Variants in CCDC25 observed in about 807,000 individuals in gnomAD.
The protein encoded by CCDC25 is coiled-coil domain containing 25.
A neutral mutation model predicts 35.3 loss-of-function variants in CCDC25; 16 were observed. The ratio of observed to expected loss-of-function variants is 0.45; its 90% CI spans 0.31 to 0.69. The LOEUF (loss-of-function observed/expected upper bound fraction) is 0.69, where lower values mean the gene tolerates loss of function less well. CCDC25 is among the 30% of genes least tolerant of loss of function. The pLI is 0.06. For missense variants in CCDC25, 179 were observed against 250.7 expected (o/e 0.71, Z 1.93); for synonymous variants, 79 against 80.3 (o/e 0.98, Z 0.09).
intron 1 of CCDC25, among the ~76,000 whole-genome samples, chr8:27,765,639 G>A (rs897510795): frequency 9.7e-6 from 1 of 103,232 alleles, no homozygotes. Flanking sequence ...AAAAAAAAAA[G>A]AAAAGAAAAG....
rs1416846735 is a variant in CCDC25 at position 27,772,467 on chromosome 8, G to C, written c.28+46C>G. 3.9e-6 allele frequency: 6 copies of C among 1,543,414 alleles called. 1 individual carries two copies. In the South Asian group the frequency reaches 7.2e-5, roughly 18 times the overall value. ...CGGCGGACTGCGGGTCCCGGCTTCG[G>C]AGCCCGCTGTCCAGCAGGGTCCAGG... On this transcript the variant is annotated intron_variant, in intron 1 of 8. Coordinates refer to ENST00000356537, the MANE Select transcript of CCDC25 (RefSeq NM_018246.3).
chr8:27,770,855 C>G (rs1032204789), intron 1 of CCDC25, among the ~76,000 whole-genome samples: 6 of 151,910 alleles, frequency 3.9e-5, no homozygotes, highest in Admixed American at 3.9e-4. Flanking sequence ...ATTTATTCAA[C>G]AAGCATTTAT....
At chr8:27,764,083 A>C (rs1053645422) in intron 2 of CCDC25, among the ~76,000 whole-genome samples, 7 of 152,194 alleles carry the variant, frequency 4.6e-5, no homozygotes, top group African/African-American at 1.7e-4. Context: ...ATTCCACTTA[A>C]ATTGATGTTT....
chr8:27,761,361 C>T (rs1458249903), intron 3 of CCDC25, among the ~76,000 whole-genome samples: 1 of 152,082 alleles, frequency 6.6e-6, no homozygotes, highest in East Asian at 1.9e-4. Flanking sequence ...CAGAGCAGAC[C>T]CAGTCAGTTT....
At chr8:27,752,146 A>C (rs1803833235) in intron 5 of CCDC25, among the ~76,000 whole-genome samples, 1 of 152,258 alleles carries the variant, frequency 6.6e-6, no homozygotes, top group Non-Finnish European at 1.5e-5. Context: ...AACAACATTA[A>C]AAATAAAGCC....
chr8:27,764,259 G>T (rs1391903830), intron 2 of CCDC25: 3 of 162,362 alleles, frequency 1.8e-5, no homozygotes, highest in African/African-American at 7.2e-5. Context: ...GGGAAAAAGT[G>T]TTCCATACAT....
At chr8:27,741,954 T>C (rs887050787) in intron 7 of CCDC25, among the ~76,000 whole-genome samples, 4 of 152,176 alleles carry the variant, frequency 2.6e-5, no homozygotes, top group African/African-American at 9.7e-5. Flanking sequence ...TATACTCTTA[T>C]CAGGCCACAG....
At chr8:27,744,094 G>A (rs1348258897) in intron 7 of CCDC25, among the ~76,000 whole-genome samples, 1 of 152,138 alleles carries the variant, frequency 6.6e-6, no homozygotes, top group Non-Finnish European at 1.5e-5. Context: ...AAGCCCAGAA[G>A]ATATAAAAAC....
rs1042661261 is a variant in CCDC25 at position 27,765,236 on chromosome 8, T to C, written c.44A>G (p.Tyr15Cys). 2 of 1,496,348 alleles carry C rather than the reference T, an allele frequency of 1.3e-6. No individual in the cohort carries two copies. The highest frequency in any genetic ancestry group is 1.4e-5 in the African/African-American group (1 of 71,604). 92.7% of individuals were successfully genotyped at this position (1,496,348 alleles called of 1,614,324 possible). Residue 15 changes from tyrosine (Y) to cysteine (C), a missense_variant, in exon 2 of 9, where the codon TAC (tyrosine) becomes TGC (cysteine). Transcript: ENST00000356537. ...TTTATCTTTTCCCATGTAAATAGTG[T>C]AGGCAGATGAATTAACTAAGATAAA... is the stretch of plus-strand genomic sequence containing the variant. Reference protein sequence around the residue: ...FTSSSVNSSAYTIYMGKDKYE... With the variant: ...FTSSSVNSSACTIYMGKDKYE...
At chr8:27,759,779 C>CAAAAAAAAAAAAAAAA (rs77051762) in intron 3 of CCDC25, among the ~76,000 whole-genome samples, 1,529 of 91,026 alleles carry the variant, frequency 0.017, 126 homozygotes, top group East Asian at 0.033. Context: ...GACTCTGTCT[C>CAAAAAAAAAAAAAAAA]AAAAAAAAAA....
Position 27,740,531 on chromosome 8 carries a change from AAC to A in CCDC25, c.552-16_552-15del, listed in dbSNP as rs773289794. On this transcript the variant is annotated splice_polypyrimidine_tract_variant and intron_variant, in intron 7 of 8. Transcript: ENST00000356537. ...GATGAATAGCTCCTAGAAGGAAAAA[AAC>A]ACACACACACATTTAAAATATGGTG... is the stretch of plus-strand genomic sequence containing the variant. 42 of 1,569,184 alleles carry A rather than the reference AAC, an allele frequency of 2.7e-5. No individual in the cohort carries two copies. The highest frequency in any genetic ancestry group is 1.7e-4 in the Middle Eastern group (1 of 5,946).
Position 27,736,029 on chromosome 8 carries a change from A to AT in CCDC25, c.*186dup, listed in dbSNP as rs1214576857. On this transcript the variant is annotated 3_prime_UTR_variant, in exon 9 of 9. Coordinates refer to ENST00000356537, the MANE Select transcript of CCDC25 (RefSeq NM_018246.3). ...GCTGTCAAGTTCAACTATTTTATACATATCTGATCCTTTTCTGTCAGCAAA... is the reference window on the plus strand; with the variant it reads ...GCTGTCAAGTTCAACTATTTTATACATTATCTGATCCTTTTCTGTCAGCAAA... 3.6e-6 allele frequency: 2 copies of AT among 553,924 alleles called. No homozygotes were observed. Among genetic ancestry groups the AT allele is most frequent in the African/African-American group, 3.9e-5 (2 of 51,428 alleles). The allele number at this position is 553,924 out of a possible 1,614,324, so 34.3% of individuals were successfully genotyped here. A position where few individuals can be genotyped will look rare whatever the true frequency, so the allele number is the denominator to read the frequency against.
chr8:27,762,588 G>T (rs144760864), intron 2 of CCDC25, 130 bp from the exon 3 acceptor site: 1 of 677,092 alleles, frequency 1.5e-6, no homozygotes, highest in Non-Finnish European at 2.5e-6. Flanking sequence ...AGAGTAATTC[G>T]GAGGCCTTGA....
chr8:27,758,432 C>T (rs377289172), intron 3 of CCDC25, among the ~76,000 whole-genome samples: 13 of 152,198 alleles, frequency 8.5e-5, no homozygotes, highest in African/African-American at 2.4e-4. Flanking sequence ...TACTCTTAAT[C>T]ATTAGTGATA....
At chr8:27,770,143 C>CA (rs1224599517) in intron 1 of CCDC25, among the ~76,000 whole-genome samples, 1 of 151,608 alleles carries the variant, frequency 6.6e-6, no homozygotes, top group Non-Finnish European at 1.5e-5. Context: ...GACTCCATCT[C>CA]AAAAAAACAA....
At chr8:27,743,174 CTAA>C (rs1585344316) in intron 7 of CCDC25, among the ~76,000 whole-genome samples, 3 of 152,154 alleles carry the variant, frequency 2.0e-5, no homozygotes, top group African/African-American at 7.2e-5. Flanking sequence ...TCACCAAATC[CTAA>C]TGTTTTACCT....
chr8:27,746,713 T>C (rs897021816), intron 7 of CCDC25, among the ~76,000 whole-genome samples: 6 of 152,204 alleles, frequency 3.9e-5, no homozygotes, highest in African/African-American at 7.2e-5. Flanking sequence ...TACTTAAACA[T>C]ATATGTTAGT....
chr8:27,752,598 A>G lies in CCDC25; in HGVS notation c.169-11T>C. The stretch of plus-strand genomic sequence containing the variant: ...TTCTATATTCTCTCCCTGAAACACA[A>G]AAATAAACCAATTGGTCCACTACCT... On this transcript the variant is annotated splice_polypyrimidine_tract_variant and intron_variant, in intron 4 of 8. Coordinates refer to ENST00000356537, the MANE Select transcript of CCDC25 (RefSeq NM_018246.3). 6.2e-7 allele frequency: 1 copy of G among 1,607,842 alleles called. No homozygotes were observed. Among genetic ancestry groups the G allele is most frequent in the Non-Finnish European group, 8.5e-7 (1 of 1,174,566 alleles).
Position 27,742,493 on chromosome 8 carries a change from T to C in CCDC25, c.552-1976A>G, listed in dbSNP as rs568981837. On this transcript the variant is annotated intron_variant, in intron 7 of 8. Coordinates refer to ENST00000356537, the MANE Select transcript of CCDC25 (RefSeq NM_018246.3). ...TTGTGAAGATTTAACTGGATCCATA[T>C]GCCCAGTTGTGGGGATCTACCCAGG... Among the ~76,000 whole-genome samples the C allele has an allele frequency of 5.9e-5, 9 of 152,220 alleles. No individual in the cohort carries two copies. In the South Asian group the frequency reaches 1.7e-3, roughly 28 times the overall value.
Sources: gnomAD v4.1 joint callset for allele counts (sites outside exome capture counted in the v4.1 genomes callset) on GRCh38, gnomAD v4.1.1 for gene constraint, MANE v1.5 for transcripts, NCBI Gene and HGNC (gene_info 2026-07-23, HGNC 2026-07-21) for gene names.